Variants in LATS1 observed in about 807,000 individuals in gnomAD.
LATS1 encodes serine/threonine-protein kinase LATS1.
In LATS1, 25 loss-of-function variants were observed where a neutral mutation model predicts 106.6. The observed-to-expected ratio is 0.23, with a 90% CI of 0.17 to 0.33. LATS1 has a LOEUF of 0.33. LATS1 is among the 10% of genes least tolerant of loss of function. The probability of loss-of-function intolerance (pLI) is 1.00; values close to 1 mark genes in which losing one functional copy is unlikely to be tolerated. For synonymous variants in LATS1, 465 were observed against 455.6 expected, an observed-to-expected ratio of 1.02 and a Z score of -0.26; for missense variants, 1,040 against 1,382.6, an observed-to-expected ratio of 0.75 and a Z score of 3.93.
chr6:149,676,252 T>C lies in LATS1; in HGVS notation c.2883+8A>G. On this transcript the variant is annotated splice_region_variant and intron_variant, in intron 7 of 7. Transcript: ENST00000543571. ...GAGAATTCTTTTGATATAGATGCCA[T>C]ACCTTACCTTCATTTGTGTTTCTAA... 6.4e-7 allele frequency: 1 copy of C among 1,569,608 alleles called. No homozygotes were observed. The highest frequency in any genetic ancestry group is 8.8e-7 in the Non-Finnish European group (1 of 1,139,538).
intron 2 of LATS1, among the ~76,000 whole-genome samples, chr6:149,698,035 C>T (rs958976167): frequency 1.3e-5 from 2 of 152,116 alleles, no homozygotes; most frequent in African/African-American, 2.4e-5. Context: ...CCACCACACC[C>T]GGCCCATATT....
In LATS1 at chr6:149,661,756, A is replaced by C. The variant is rs1780895294; in HGVS notation, c.3366T>G (p.Ile1122Met). The change falls in exon 8 of 8, where the codon ATT becomes ATG. Residue 1122 changes from isoleucine to methionine, a missense_variant. Physicochemically the swap from Ile to Met is conservative, Grantham distance 10. Around this residue, in one of 7 missense-constraint regions of LATS1, gnomAD observed 46 missense variants for 42.4 expected, o/e 1.09. Transcript: ENST00000543571. ...AAACATATACTAGATCGCGATTTTT[A>C]ATCTCTGAGCCTGTGTTTTGATCAT... Reference protein sequence around the residue: ...DEDDQNTGSEIKNRDLVYV With the variant: ...DEDDQNTGSEMKNRDLVYV The C allele has an allele frequency of 1.9e-6, 3 of 1,571,972 alleles. No individual in the cohort carries two copies. Among genetic ancestry groups the C allele is most frequent in the African/African-American group, 1.4e-5 (1 of 72,940 alleles).
chr6:149,666,880 C>A (rs911425318), intron 7 of LATS1, among the ~76,000 whole-genome samples: 4 of 148,602 alleles, frequency 2.7e-5, no homozygotes, highest in African/African-American at 1.0e-4. Flanking sequence ...GGAGGCGGAG[C>A]TTGCAGTGAG....
Position 149,659,547 on chromosome 6 carries a change from G to C in LATS1, c.*2182C>G, listed in dbSNP as rs978642054. ...AATACAGATTTTGTGGGAAGGGAAG[G>C]GGGAGGAGACAGCACCTTAGTTTTC... On this transcript the variant is annotated 3_prime_UTR_variant, in exon 8 of 8. Transcript: ENST00000543571. 4.3e-6 allele frequency: 1 copy of C among 230,758 alleles called. No individual in the cohort carries two copies. Among genetic ancestry groups the C allele is most frequent in the Non-Finnish European group, 8.6e-6 (1 of 116,556 alleles). 14.3% of individuals were successfully genotyped at this position (230,758 alleles called of 1,614,324 possible).
At position 149,660,412 on chromosome 6, in the gene LATS1, T is replaced by C. The variant is rs1780843311; in HGVS notation, c.*1317A>G. 1 of 232,984 alleles carries C rather than the reference T, an allele frequency of 4.3e-6. No homozygotes were observed. Among genetic ancestry groups the C allele is most frequent in the African/African-American group, 2.2e-5 (1 of 45,350 alleles). 14.4% of individuals were successfully genotyped at this position (232,984 alleles called of 1,614,324 possible). On this transcript the variant is annotated 3_prime_UTR_variant, in exon 8 of 8. Coordinates refer to ENST00000543571, the MANE Select transcript of LATS1 (RefSeq NM_004690.4). ...TTTTATGCGAAGAAAGCTAAAAGTA[T>C]GAAAATCACTAAAATTATGCCTCCA...
chr6:149,684,018 C>G lies in LATS1; in HGVS notation c.1071G>C (p.Met357Ile). ...CAGCAGGGACAACATTTTGGTGTAT[C>G]ATGAAATCAGTTTGTCCAGTACCAT... is the stretch of plus-strand genomic sequence containing the variant. ...MQNGTGQTDF[M>I]IHQNVVPAGT... Residue 357 changes from methionine (M) to isoleucine (I), a missense_variant, in exon 4 of 8, where the codon ATG becomes ATC. Met to Ile is a conservative substitution (Grantham distance 10, BLOSUM62 1). Transcript: ENST00000543571. 4.3e-6 allele frequency: 7 copies of G among 1,614,016 alleles called. No homozygotes were observed. Among genetic ancestry groups the G allele is most frequent in the Non-Finnish European group, 5.9e-6 (7 of 1,179,996 alleles).
rs1780829720 is a variant in LATS1, at chr6:149,660,032, A to AGTCAT, written c.*1696_*1697insATGAC. On this transcript the variant is annotated 3_prime_UTR_variant, in exon 8 of 8. Coordinates refer to ENST00000543571, the MANE Select transcript of LATS1 (RefSeq NM_004690.4). Reference sequence around the variant, plus strand: ...GTGCTGAGTAGTGATTGGTAAGTTAAAAACAAAGTTCTTAGTTTAATGTAT... The same window carrying AGTCAT: ...GTGCTGAGTAGTGATTGGTAAGTTAAGTCATAAACAAAGTTCTTAGTTTAATGTAT... 6 of 232,568 alleles carry AGTCAT rather than the reference A, an allele frequency of 2.6e-5. No homozygotes were observed. The highest frequency in any genetic ancestry group is 1.3e-4 in the African/African-American group (6 of 45,426). 14.4% of individuals were successfully genotyped at this position (232,568 alleles called of 1,614,324 possible).
intron 2 of LATS1, among the ~76,000 whole-genome samples, chr6:149,695,709 C>T (rs1783025085): frequency 6.6e-6 from 1 of 151,460 alleles, no homozygotes; most frequent in African/African-American, 2.4e-5. Flanking sequence ...AAACAAAACC[C>T]TCAAATCTTC....
intron 1 of LATS1, among the ~76,000 whole-genome samples, chr6:149,710,986 A>C (rs560171180): frequency 9.8e-5 from 15 of 152,338 alleles, no homozygotes; most frequent in Admixed American, 7.8e-4. Flanking sequence ...GGATTAAAAG[A>C]CTGAGCACAG....
chr6:149,695,876 C>T (rs1783033633), intron 2 of LATS1, among the ~76,000 whole-genome samples: 1 of 151,740 alleles, frequency 6.6e-6, no homozygotes, highest in African/African-American at 2.4e-5. Context: ...ACAATCATAG[C>T]AACATGATTC....
chr6:149,661,517 C>T lies in LATS1; in HGVS notation c.*212G>A, dbSNP rs1428571470. On this transcript the variant is annotated 3_prime_UTR_variant, in exon 8 of 8. Coordinates refer to ENST00000543571, the MANE Select transcript of LATS1 (RefSeq NM_004690.4). The stretch of plus-strand genomic sequence containing the variant: ...AATATTCAGTTCATAATTTACTTTC[C>T]TTATAACAATTTTTTTCTAAATACT... 1 of 440,540 alleles carries T rather than the reference C, an allele frequency of 2.3e-6. No individual in the cohort carries two copies. Among genetic ancestry groups the T allele is most frequent in the Non-Finnish European group, 3.9e-6 (1 of 253,258 alleles). 27.3% of individuals were successfully genotyped at this position (440,540 alleles called of 1,614,324 possible).
rs1196261236 is a variant in LATS1 at position 149,662,222 on chromosome 6, G to A, written c.2900C>T (p.Thr967Ile). 1 of 1,602,230 alleles carries A rather than the reference G, an allele frequency of 6.2e-7. No individual in the cohort carries two copies. The highest frequency in any genetic ancestry group is 8.5e-7 in the Non-Finnish European group (1 of 1,176,210). ...ETQMKVINWQ[T>I]SLHIPPQAKL... ...AGCTTGTGGTGGAATGTGAAGAGATGTTTGCCAGTTGATAACCTTTAAAGA... is the reference window on the plus strand; with the variant it reads ...AGCTTGTGGTGGAATGTGAAGAGATATTTGCCAGTTGATAACCTTTAAAGA... The change falls in exon 8 of 8, where the codon ACA becomes ATA. Residue 967 changes from threonine (T) to isoleucine (I), a missense_variant. Thr to Ile is a moderately conservative substitution (Grantham distance 89). Around this residue, in one of 7 missense-constraint regions of LATS1, gnomAD observed 113 missense variants for 146.3 expected, o/e 0.77. Transcript: ENST00000543571.
intron 1 of LATS1, among the ~76,000 whole-genome samples, chr6:149,715,688 G>C (rs1404309683): frequency 6.6e-6 from 1 of 152,066 alleles, no homozygotes; most frequent in African/African-American, 2.4e-5. Flanking sequence ...GGAATTGCTG[G>C]ATCAAAGAGA....
chr6:149,704,482 GT>G (rs923882037), intron 1 of LATS1, among the ~76,000 whole-genome samples: 14 of 136,634 alleles, frequency 1.0e-4, no homozygotes, highest in African/African-American at 1.0e-4. Flanking sequence ...AAACTTAGGG[GT>G]TTTTTTTTTG....
chr6:149,694,985 T>C, intron 3 of LATS1, 89 bp downstream of exon 3: 1 of 1,136,704 alleles, frequency 8.8e-7, no homozygotes, highest in Non-Finnish European at 1.2e-6. Context: ...GCTTTTACAA[T>C]TTCTAAGAAG....
Position 149,711,843 on chromosome 6 carries a change from G to C in LATS1, c.-141+6006C>G, listed in dbSNP as rs114347066. 1.6e-3 allele frequency among the ~76,000 whole-genome samples: 242 copies of C among 152,306 alleles called. 1 individual carries two copies. The highest frequency in any genetic ancestry group is 5.5e-3 in the African/African-American group (228 of 41,570). Reference sequence around the variant, plus strand: ...CTAGGAGATTTCAGATTATAGATCAGCATTTGCTGCTTATCTCCCATTATT... The same window carrying C: ...CTAGGAGATTTCAGATTATAGATCACCATTTGCTGCTTATCTCCCATTATT... On this transcript the variant is annotated intron_variant, in intron 1 of 7. Transcript: ENST00000543571.
chr6:149,666,128 G>C (rs1781130165), intron 7 of LATS1, among the ~76,000 whole-genome samples: 1 of 102,806 alleles, frequency 9.7e-6, no homozygotes, highest in African/African-American at 4.4e-5. Context: ...GACAGAGAGA[G>C]ACTCCGTCTC....
chr6:149,683,096 CTAAT>C lies in LATS1; in HGVS notation c.1989_1992del (p.Leu664ArgfsTer4). On this transcript the variant is annotated frameshift_variant, in exon 4 of 8. Coordinates refer to ENST00000543571, the MANE Select transcript of LATS1 (RefSeq NM_004690.4). LOFTEE classifies it high-confidence loss of function. ...GGTTTTACCCGCATCATTTCATTCT[CTAAT>C]TGTTTTTTACGATGTAGACGCTGCT... 1.9e-6 allele frequency: 3 copies of C among 1,611,886 alleles called. No homozygotes were observed. Among genetic ancestry groups the C allele is most frequent in the Non-Finnish European group, 2.5e-6 (3 of 1,179,088 alleles).
At position 149,684,576 on chromosome 6, in the gene LATS1, T is replaced by G. The variant is rs377361277; in HGVS notation, c.513A>C (p.Ser171=). 32 of 1,598,504 alleles carry G rather than the reference T, an allele frequency of 2.0e-5. No individual in the cohort carries two copies. Among genetic ancestry groups the G allele is most frequent in the Non-Finnish European group, 2.7e-5 (31 of 1,169,536 alleles). Residue 171 remains serine (S), a synonymous_variant, in exon 4 of 8, where the codon TCA becomes TCC. Transcript: ENST00000543571. ...CTTTCCAGCTCTGTTTGCGGTTAAC[T>G]GATTGCTGCACATTCCCTATGGTTA... is the stretch of plus-strand genomic sequence containing the variant. ...ASMKPGNVQQ[S]VNRKQSWKGS...
Sources: allele counts gnomAD v4.1 joint callset (sites outside exome capture counted in the v4.1 genomes callset), GRCh38; gene constraint gnomAD v4.1.1; regional missense constraint gnomAD v4.1.1; transcripts MANE v1.5; gene names NCBI Gene and HGNC (gene_info 2026-07-23, HGNC 2026-07-21).